RAPGEF1: variants seen among roughly 807,000 people sequenced by gnomAD.
RAPGEF1 encodes CRK SH3-binding GNRP.
A neutral mutation model predicts 143.3 loss-of-function variants in RAPGEF1; 33 were observed. The observed-to-expected ratio is 0.23, with a 90% CI of 0.17 to 0.31. The LOEUF is 0.31. Among genes scored for constraint, RAPGEF1 ranks in the 10% least tolerant of loss-of-function variants. The pLI is 1.00. For missense variants in RAPGEF1, 1,199 were observed against 1,645.4 expected (o/e 0.73, Z 4.69); for synonymous variants, 629 against 676.5 (o/e 0.93, Z 1.09).
At chr9:131,717,116 C>T (rs939246345) in intron 1 of RAPGEF1, among the ~76,000 whole-genome samples, 1 of 152,234 alleles carries the variant, frequency 6.6e-6, no homozygotes, top group Non-Finnish European at 1.5e-5. Flanking sequence ...AATGCCCGCA[C>T]TGGGGAAGAC....
At chr9:131,647,943 G>A (rs1458885448) in intron 3 of RAPGEF1, among the ~76,000 whole-genome samples, 1 of 151,654 alleles carries the variant, frequency 6.6e-6, no homozygotes, top group African/African-American at 2.4e-5. Context: ...CCCACTAGAA[G>A]CCAATAACAT....
Position 131,650,304 on chromosome 9 carries a change from G to C in RAPGEF1, c.202-62C>G. On this transcript the variant is annotated intron_variant, in intron 2 of 26. Coordinates refer to ENST00000683357, the MANE Select transcript of RAPGEF1 (RefSeq NM_001377935.1). This position sits in a 1 kb window ranked among gnomAD's most constrained non-coding sequence, Gnocchi z 4.7. ...AAATGGCTGTTTGAGGCCGAAGGGA[G>C]GGGTTGATGAAAGTCAATAGCTGTT... 1 of 1,319,842 alleles carries C rather than the reference G, an allele frequency of 7.6e-7. No individual in the cohort carries two copies. Among genetic ancestry groups the C allele is most frequent in the South Asian group, 1.2e-5 (1 of 80,088 alleles). 81.8% of individuals were successfully genotyped at this position (1,319,842 alleles called of 1,614,324 possible).
rs865825723 is a variant in RAPGEF1, at chr9:131,614,608, G to A, written c.2061+4443C>T. On this transcript the variant is annotated intron_variant, in intron 12 of 26. Coordinates refer to ENST00000683357, the MANE Select transcript of RAPGEF1 (RefSeq NM_001377935.1). ...GAAGGAGCCTGCAACAGGTCCCGAGGGGCTGGGCCTGGCATTTCCCAGCGA... is the reference window on the plus strand; with the variant it reads ...GAAGGAGCCTGCAACAGGTCCCGAGAGGCTGGGCCTGGCATTTCCCAGCGA... Among the ~76,000 whole-genome samples, 7 of 152,356 alleles carry A rather than the reference G, an allele frequency of 4.6e-5. No homozygotes were observed. In the South Asian group the frequency reaches 1.0e-3, roughly 23 times the overall value.
At chr9:131,602,018 C>T (rs752067405) in intron 15 of RAPGEF1, 43 bp downstream of exon 15, 7 of 1,473,430 alleles carry the variant, frequency 4.8e-6, no homozygotes, top group Non-Finnish European at 6.5e-6. Context: ...TGAGTGGGCG[C>T]ACTGCTCTCG....
At chr9:131,737,963 G>A (rs909684829) in intron 1 of RAPGEF1, among the ~76,000 whole-genome samples, 2 of 88,612 alleles carry the variant, frequency 2.3e-5, no homozygotes, top group Non-Finnish European at 4.5e-5. Flanking sequence ...GCAAGACTCC[G>A]TCTCAAAAAA....
chr9:131,586,297 G>C (rs1952773627), intron 22 of RAPGEF1, among the ~76,000 whole-genome samples: 2 of 105,340 alleles, frequency 1.9e-5, no homozygotes, highest in Admixed American at 1.0e-4. Context: ...TGCAGAGCCA[G>C]ACTCCGTCTC....
intron 1 of RAPGEF1, among the ~76,000 whole-genome samples, chr9:131,722,591 C>T (rs371034778): frequency 2.6e-5 from 4 of 152,212 alleles, no homozygotes; most frequent in African/African-American, 4.8e-5. Flanking sequence ...GGACTTCCAT[C>T]GGCCCCTGAT....
chr9:131,588,887 C>A lies in RAPGEF1; in HGVS notation c.2967G>T (p.Lys989Asn). The A allele has an allele frequency of 6.2e-7, 1 of 1,613,928 alleles. No homozygotes were observed. Among genetic ancestry groups the A allele is most frequent in the Non-Finnish European group, 8.5e-7 (1 of 1,179,860 alleles). Residue 989 changes from lysine (K) to asparagine (N), a missense_variant, in exon 20 of 27, where the codon AAG becomes AAT. Physicochemically the swap from Lys to Asn is moderately conservative, Grantham distance 94 (BLOSUM62 0). Around this residue, in one of 6 missense-constraint regions of RAPGEF1, gnomAD observed 209 missense variants for 403.0 expected, o/e 0.52. Transcript: ENST00000683357. ...TCTGGTCCACCTTGTCCAGGATGTTCTTCCGGAGCACACGGGCCAGGCTCA... is the reference window on the plus strand; with the variant it reads ...TCTGGTCCACCTTGTCCAGGATGTTATTCCGGAGCACACGGGCCAGGCTCA... Reference protein sequence around the residue: ...GELSLARVLRKNILDKVDQKK... With the variant: ...GELSLARVLRNNILDKVDQKK...
chr9:131,678,765 CCAAT>C lies in RAPGEF1; in HGVS notation c.62-27820_62-27817del, dbSNP rs562375404. Among the ~76,000 whole-genome samples, 27 of 152,286 alleles carry C rather than the reference CCAAT, an allele frequency of 1.8e-4. No individual in the cohort carries two copies. In the East Asian group the frequency reaches 4.6e-3, roughly 26 times the overall value. ...GGACCTCAGGGGTGCAAAAGGACAC[CCAAT>C]CAAACAACACACCAGGAGGCCAGCC... On this transcript the variant is annotated intron_variant, in intron 1 of 26. Transcript: ENST00000683357.
rs1261273502 is a variant in RAPGEF1 at position 131,628,893 on chromosome 9, C to G, written c.893+209G>C. 6.6e-6 allele frequency among the ~76,000 whole-genome samples: 1 copy of G among 152,166 alleles called. No individual in the cohort carries two copies. The highest frequency in any genetic ancestry group is 1.5e-5 in the Non-Finnish European group (1 of 68,030). ...TCTTTTTCTTTCATAATAAATCATA[C>G]CATGTCTCCCTGGGCTGAGGGCACA... On this transcript the variant is annotated intron_variant, in intron 7 of 26. Coordinates refer to ENST00000683357, the MANE Select transcript of RAPGEF1 (RefSeq NM_001377935.1). The surrounding 1 kb of genome is among the most constrained non-coding windows in gnomAD (Gnocchi z 5.7).
chr9:131,638,955 C>A (rs553817822), intron 4 of RAPGEF1, among the ~76,000 whole-genome samples, 164 bp from the exon 5 acceptor site: 1 of 152,314 alleles, frequency 6.6e-6, no homozygotes, highest in Non-Finnish European at 1.5e-5. Flanking sequence ...TTTTTCCATA[C>A]ATCCAACAAA....
chr9:131,587,619 GAATGA>G, intron 22 of RAPGEF1, 112 bp downstream of exon 22: 1 of 941,658 alleles, frequency 1.1e-6, no homozygotes, highest in East Asian at 2.6e-5. Flanking sequence ...GAGCTTAGCG[GAATGA>G]AAGAGGCAGC....
At chr9:131,684,660 A>G (rs1833184284) in intron 1 of RAPGEF1, among the ~76,000 whole-genome samples, 1 of 152,246 alleles carries the variant, frequency 6.6e-6, no homozygotes, top group Admixed American at 6.5e-5. Context: ...AGCTGCAAAG[A>G]CAGAAGCAGA....
intron 12 of RAPGEF1, among the ~76,000 whole-genome samples, chr9:131,611,063 G>A (rs1463910907): frequency 2.0e-5 from 3 of 152,202 alleles, no homozygotes; most frequent in Admixed American, 6.5e-5. Flanking sequence ...TGATGCCCTT[G>A]TGTTAATTTA....
intron 12 of RAPGEF1, among the ~76,000 whole-genome samples, chr9:131,607,633 A>G (rs1957322213): frequency 6.6e-6 from 1 of 152,050 alleles, no homozygotes; most frequent in Admixed American, 6.6e-5. Flanking sequence ...GGAGTGGCTC[A>G]ATCTTTTGTA....
intron 1 of RAPGEF1, among the ~76,000 whole-genome samples, chr9:131,659,181 T>G (rs1973323071): frequency 6.6e-6 from 1 of 152,206 alleles, no homozygotes; most frequent in African/African-American, 2.4e-5. Context: ...GAGGCGTGAT[T>G]GAGGACATTA....
chr9:131,628,485 G>A lies in RAPGEF1; in HGVS notation c.1017+64C>T. 2 of 1,581,822 alleles carry A rather than the reference G, an allele frequency of 1.3e-6. No individual in the cohort carries two copies. Among genetic ancestry groups the A allele is most frequent in the Non-Finnish European group, 1.7e-6 (2 of 1,160,352 alleles). On this transcript the variant is annotated intron_variant, in intron 8 of 26. Coordinates refer to ENST00000683357, the MANE Select transcript of RAPGEF1 (RefSeq NM_001377935.1). This position sits in a 1 kb window ranked among gnomAD's most constrained non-coding sequence, Gnocchi z 5.7. ...CCATGGGTTTCTTTCAGCTTCAGGA[G>A]CCACATCCCTGAGCCCCCCACCCCC...
chr9:131,580,246 G>C lies in RAPGEF1; in HGVS notation c.3641+17C>G. On this transcript the variant is annotated intron_variant, in intron 26 of 26. Coordinates refer to ENST00000683357, the MANE Select transcript of RAPGEF1 (RefSeq NM_001377935.1). ...GGGCTCAGCTCTGCCTGGTCCCCCC[G>C]GGGCAGTGGCACTCACGCCTGCTGG... The C allele has an allele frequency of 6.2e-7, 1 of 1,613,286 alleles. No individual in the cohort carries two copies. The highest frequency in any genetic ancestry group is 8.5e-7 in the Non-Finnish European group (1 of 1,179,468).
chr9:131,694,949 TC>T (rs1473982597), intron 1 of RAPGEF1, among the ~76,000 whole-genome samples: 1 of 88,486 alleles, frequency 1.1e-5, no homozygotes, highest in Non-Finnish European at 2.2e-5. Context: ...CCCTTCCCCC[TC>T]CCCCCACCCA....
Sources: allele counts gnomAD v4.1 joint callset (sites outside exome capture counted in the v4.1 genomes callset), GRCh38; gene constraint gnomAD v4.1.1; regional missense constraint gnomAD v4.1.1; non-coding constraint Gnocchi (gnomAD v3.1); transcripts MANE v1.5; gene names NCBI Gene and HGNC (gene_info 2026-07-23, HGNC 2026-07-21).